MACF1: variants seen among roughly 807,000 people sequenced by gnomAD.
MACF1 encodes microtubule actin crosslinking factor 1.
A neutral mutation model predicts 854.8 loss-of-function variants in MACF1; 193 were observed. The ratio of observed to expected loss-of-function variants is 0.23; its 90% confidence interval spans 0.20 to 0.25. The LOEUF (loss-of-function observed/expected upper bound fraction) is 0.25, where lower values mean the gene tolerates loss of function less well. Among genes scored for constraint, MACF1 ranks in the 10% least tolerant of loss-of-function variants. The pLI is 1.00. For synonymous variants in MACF1, 3,185 were observed against 3,226.7 expected (o/e 0.99, Z 0.44); for missense variants, 7,722 against 8,929.1 (o/e 0.86, Z 5.45).
chr1:39,243,038 A>G (rs1248082370), intron 2 of MACF1, among the ~76,000 whole-genome samples: 6 of 152,172 alleles, frequency 3.9e-5, no homozygotes, highest in Admixed American at 3.3e-4. Context: ...TTCGAAAGCA[A>G]CTGCACCATT....
At chr1:39,125,137 A>G (rs1206193627) in intron 2 of MACF1, among the ~76,000 whole-genome samples, 1 of 152,228 alleles carries the variant, frequency 6.6e-6, no homozygotes, top group Non-Finnish European at 1.5e-5. Context: ...ATGAAAAAAG[A>G]GTAAAACACA....
Position 39,451,106 on chromosome 1 carries a change from G to A in MACF1, c.20313G>A (p.Leu6771=), listed in dbSNP as rs1644333847. ...TTTCGGGTCAGTTCATGGATGCTTTGCAGGCATTGGTTGACTGGTTATACA... is the reference window on the plus strand; with the variant it reads ...TTTCGGGTCAGTTCATGGATGCTTTACAGGCATTGGTTGACTGGTTATACA... ...LLFSGQFMDA[L]QALVDWLYKV... Residue 6771 remains leucine, a synonymous_variant, in exon 85 of 101, where the codon TTG becomes TTA. Coordinates refer to ENST00000564288, the MANE Select transcript of MACF1 (RefSeq NM_001394062.1). The A allele has an allele frequency of 6.2e-7, 1 of 1,614,086 alleles. No homozygotes were observed. The highest frequency in any genetic ancestry group is 1.3e-5 in the African/African-American group (1 of 74,944).
At chr1:39,418,315 G>T (rs948714215) in intron 58 of MACF1, among the ~76,000 whole-genome samples, 1 of 152,102 alleles carries the variant, frequency 6.6e-6, no homozygotes, top group Non-Finnish European at 1.5e-5. Flanking sequence ...TTTGCATGGA[G>T]ATATTAAAAA....
At position 39,410,429 on chromosome 1, in the gene MACF1, A is replaced by C. The variant is rs763581023; in HGVS notation, c.15817-11945A>C. 4.3e-6 allele frequency: 7 copies of C among 1,614,058 alleles called. No homozygotes were observed. In the South Asian group the frequency reaches 5.5e-5, roughly 13 times the overall value. ...CAAATTGACCAGGGGTCAAAGCTTA[A>C]CCAGACTTCAAAAAGCACCATGGAA... On this transcript the variant is annotated intron_variant, in intron 58 of 100. Coordinates refer to ENST00000564288, the MANE Select transcript of MACF1 (RefSeq NM_001394062.1).
intron 80 of MACF1, among the ~76,000 whole-genome samples, 188 bp downstream of exon 80, chr1:39,445,023 C>T (rs1214770615): frequency 1.3e-5 from 2 of 152,152 alleles, no homozygotes; most frequent in South Asian, 2.1e-4. Context: ...TATAATTATT[C>T]ATTCCTTACC....
In MACF1 at chr1:39,336,077, C is replaced by G. The variant is rs1299638965; in HGVS notation, c.9489C>G (p.Ser3163=). Residue 3163 remains serine, a synonymous_variant, in exon 37 of 101, where the codon TCC becomes TCG. Transcript: ENST00000564288. ...CTAAGGAAACCAAACATCAAATTTC[C>G]TCATCTAATGAATGTAAAGAAAAGT... is the stretch of plus-strand genomic sequence containing the variant. ...SKTKETKHQI[S]SSNECKEKSY... The G allele has an allele frequency of 6.2e-7, 1 of 1,613,870 alleles. No individual in the cohort carries two copies. The highest frequency in any genetic ancestry group is 1.7e-5 in the Admixed American group (1 of 59,956).
intron 6 of MACF1, among the ~76,000 whole-genome samples, chr1:39,266,090 G>A (rs578214720): frequency 6.6e-6 from 1 of 152,060 alleles, no homozygotes; most frequent in Admixed American, 6.5e-5. Flanking sequence ...AGGTCTGATT[G>A]GTCTGACATA....
intron 2 of MACF1, among the ~76,000 whole-genome samples, chr1:39,100,913 C>CGT (rs201772052): frequency 1.5e-5 from 2 of 129,060 alleles, no homozygotes; most frequent in African/African-American, 5.4e-5. Flanking sequence ...AATGCACGCG[C>CGT]GCGTGTGTGT....
At chr1:39,140,596 G>T (rs1297393023) in intron 2 of MACF1, among the ~76,000 whole-genome samples, 2 of 152,218 alleles carry the variant, frequency 1.3e-5, no homozygotes, top group Admixed American at 1.3e-4. Flanking sequence ...AAAGACCATA[G>T]TTAATAAGAG....
At chr1:39,385,067 C>T (rs1485267139) in intron 56 of MACF1, among the ~76,000 whole-genome samples, 1 of 151,922 alleles carries the variant, frequency 6.6e-6, no homozygotes, top group Admixed American at 6.6e-5. Flanking sequence ...TTTGTTTTGA[C>T]ACTGCTTTTT....
chr1:39,420,214 A>T (rs1042888325), intron 58 of MACF1, among the ~76,000 whole-genome samples: 5 of 152,218 alleles, frequency 3.3e-5, no homozygotes, highest in Non-Finnish European at 7.3e-5. Flanking sequence ...AGAGTGAGAT[A>T]GGATTTGGTT....
chr1:39,452,389 T>C, intron 86 of MACF1, 39 bp downstream of exon 86: 1 of 1,561,086 alleles, frequency 6.4e-7, no homozygotes. Context: ...GGGATAGATC[T>C]GAGTGGGTTT....
intron 2 of MACF1, among the ~76,000 whole-genome samples, chr1:39,096,768 C>A (rs774805515): frequency 8.6e-5 from 13 of 152,026 alleles, no homozygotes; most frequent in African/African-American, 1.7e-4. Flanking sequence ...TATTATACTA[C>A]CTTTCCTCTA....
In MACF1 at chr1:39,442,562, C is replaced by T; in HGVS notation, c.19099C>T (p.His6367Tyr). The change falls in exon 77 of 101, where the codon CAC becomes TAC. Residue 6367 changes from histidine (H) to tyrosine (Y), a missense_variant. His to Tyr is a moderately conservative substitution (Grantham distance 83). Coordinates refer to ENST00000564288, the MANE Select transcript of MACF1 (RefSeq NM_001394062.1). ...AGTCATTGAAGTTGAGCTCGCAAAG[C>T]ACCATGTAAGTATTTTCATTTTTTC... ...PKVIEVELAKHHVLKNDVLAH... is the reference protein window; with the variant it reads ...PKVIEVELAKYHVLKNDVLAH... 1 of 1,614,024 alleles carries T rather than the reference C, an allele frequency of 6.2e-7. No homozygotes were observed. The highest frequency in any genetic ancestry group is 8.5e-7 in the Non-Finnish European group (1 of 1,179,994).
chr1:39,269,121 A>C (rs1416482264), intron 6 of MACF1: 1 of 1,289,680 alleles, frequency 7.8e-7, no homozygotes, highest in Non-Finnish European at 1.0e-6. Flanking sequence ...AGAGGGGATG[A>C]CTGTCATTGC....
chr1:39,438,651 G>A (rs192164768), intron 71 of MACF1, among the ~76,000 whole-genome samples: 1 of 152,134 alleles, frequency 6.6e-6, no homozygotes. Flanking sequence ...GGTGGCATGC[G>A]CCTGTAATCC....
chr1:39,453,423 T>C (rs559532233), intron 87 of MACF1, among the ~76,000 whole-genome samples: 1 of 152,280 alleles, frequency 6.6e-6, no homozygotes, highest in South Asian at 2.1e-4. Context: ...AAAATGGGAC[T>C]AAAAAAGAGA....
At chr1:39,433,362 A>G (rs1206942161) in intron 68 of MACF1, among the ~76,000 whole-genome samples, 2 of 152,242 alleles carry the variant, frequency 1.3e-5, no homozygotes, top group African/African-American at 2.4e-5. Context: ...ATAATGTGAA[A>G]TATATTGCAA....
rs928462423 is a variant in MACF1 at position 39,458,553 on chromosome 1, C to T, written c.21196+63C>T. 10 of 1,510,092 alleles carry T rather than the reference C, an allele frequency of 6.6e-6. No individual in the cohort carries two copies. In the Middle Eastern group the frequency reaches 5.3e-4, roughly 80 times the overall value. 93.5% of individuals were successfully genotyped at this position (1,510,092 alleles called of 1,614,324 possible). On this transcript the variant is annotated intron_variant, in intron 90 of 100. Coordinates refer to ENST00000564288, the MANE Select transcript of MACF1 (RefSeq NM_001394062.1). ...CTGCTAATTGAGGATGAGCACTTTC[C>T]AAATGCCTATCAAAAAAAATTATAT...
Sources: allele counts gnomAD v4.1 joint callset (sites outside exome capture counted in the v4.1 genomes callset), GRCh38; gene constraint gnomAD v4.1.1; transcripts MANE v1.5; gene names NCBI Gene and HGNC (gene_info 2026-07-23, HGNC 2026-07-21).